Variants in CELF2 observed in about 807,000 individuals in gnomAD.
CELF2 encodes CUGBP Elav-like family member 2, also known as CUG triplet repeat RNA-binding protein 2.
A neutral mutation model predicts 62.6 loss-of-function variants in CELF2; 8 were observed. The observed-to-expected ratio is 0.13, with a 90% confidence interval of 0.07 to 0.23. The LOEUF is 0.23. CELF2 is among the 10% of genes least tolerant of loss of function. The probability of loss-of-function intolerance (pLI) is 1.00; values close to 1 mark genes in which losing one functional copy is unlikely to be tolerated. For synonymous variants in CELF2, 258 were observed against 250.0 expected, an observed-to-expected ratio of 1.03 and a Z score of -0.30; for missense variants, 333 against 671.0, an observed-to-expected ratio of 0.50 and a Z score of 5.56.
At chr10:11,194,948 A>T (rs1367423856) in intron 2 of CELF2, among the ~76,000 whole-genome samples, 1 of 152,208 alleles carries the variant, frequency 6.6e-6, no homozygotes, top group Non-Finnish European at 1.5e-5. Context: ...GCTTCATCTC[A>T]GTGGCTTCTG....
chr10:10,834,435 C>A (rs886396782), intron 1 of CELF2, among the ~76,000 whole-genome samples: 1 of 152,098 alleles, frequency 6.6e-6, no homozygotes, highest in African/African-American at 2.4e-5. Flanking sequence ...ATATAGCAAA[C>A]TGCAAATGTA....
chr10:10,867,744 G>T (rs1479477497), intron 1 of CELF2, among the ~76,000 whole-genome samples: 1 of 152,158 alleles, frequency 6.6e-6, no homozygotes, highest in Non-Finnish European at 1.5e-5. Context: ...CATGTTCTTT[G>T]TCTTCTCCTG....
rs1358230065 is a variant in CELF2, at chr10:10,995,255, A to G, written c.89+75256A>G. ...ACGTGTGGCTCATGTAGCTCGTCACATTTTTTATTTTTATTTTTTGAAACT... is the reference window on the plus strand; with the variant it reads ...ACGTGTGGCTCATGTAGCTCGTCACGTTTTTTATTTTTATTTTTTGAAACT... On this transcript the variant is annotated intron_variant, in intron 2 of 13. Transcript: ENST00000636488. The surrounding 1 kb of genome is among the most constrained non-coding windows in gnomAD (Gnocchi z 4.7). 6.6e-6 allele frequency among the ~76,000 whole-genome samples: 1 copy of G among 152,162 alleles called. No homozygotes were observed. The highest frequency in any genetic ancestry group is 1.5e-5 in the Non-Finnish European group (1 of 68,018).
At chr10:11,112,022 C>A (rs1384469755) in intron 1 of CELF2, among the ~76,000 whole-genome samples, 1 of 152,222 alleles carries the variant, frequency 6.6e-6, no homozygotes, top group Non-Finnish European at 1.5e-5. Flanking sequence ...CTTTTAAAAT[C>A]TACTTACTGG....
intron 1 of CELF2, among the ~76,000 whole-genome samples, chr10:11,121,146 G>A (rs890753546): frequency 1.3e-5 from 2 of 152,080 alleles, no homozygotes; most frequent in Non-Finnish European, 2.9e-5. Context: ...ATACTATTTT[G>A]CAAATTCAGA....
At chr10:10,954,534 C>A (rs1377523717) in intron 2 of CELF2, among the ~76,000 whole-genome samples, 2 of 152,180 alleles carry the variant, frequency 1.3e-5, no homozygotes, top group South Asian at 4.1e-4. Flanking sequence ...GCGTGAGCCA[C>A]CGCACCTGGC....
At chr10:10,468,315 G>C in the CELF2 span, among the ~76,000 whole-genome samples, 2 of 152,058 alleles carry the variant, frequency 1.3e-5, no homozygotes, top group Admixed American at 1.3e-4. Flanking sequence ...CATGACCTTT[G>C]CTCTTGAGTG....
At chr10:11,020,359 C>T (rs2058105585) in intron 1 of CELF2, among the ~76,000 whole-genome samples, 1 of 152,120 alleles carries the variant, frequency 6.6e-6, no homozygotes, top group South Asian at 2.1e-4. Context: ...GCCCTGAGAA[C>T]ACTAGAGCAT....
chr10:10,825,809 C>A (rs777387728), intron 1 of CELF2, among the ~76,000 whole-genome samples: 5 of 152,118 alleles, frequency 3.3e-5, no homozygotes, highest in Admixed American at 6.5e-5. Context: ...TCCTTATCTG[C>A]AAAATGATAA....
At chr10:10,508,700 G>A in the CELF2 span, among the ~76,000 whole-genome samples, 202 of 33,980 alleles carry the variant, frequency 5.9e-3, no homozygotes, top group African/African-American at 0.014. Context: ...GTGTGTGTGT[G>A]TGTGTATATT....
At chr10:10,527,271 A>G in the CELF2 span, among the ~76,000 whole-genome samples, 3 of 152,146 alleles carry the variant, frequency 2.0e-5, no homozygotes, top group Non-Finnish European at 4.4e-5. Context: ...ACGAAACCCC[A>G]TCTCTACTAA....
chr10:10,839,807 C>T (rs2058558325), intron 1 of CELF2, among the ~76,000 whole-genome samples: 4 of 152,192 alleles, frequency 2.6e-5, no homozygotes, highest in Non-Finnish European at 5.9e-5. Context: ...GGCACACATC[C>T]ACCATTATAT....
chr10:11,165,939 G>A lies in CELF2; in HGVS notation c.271+257G>A, dbSNP rs1296152793. 2.0e-5 allele frequency among the ~76,000 whole-genome samples: 3 copies of A among 152,272 alleles called. No homozygotes were observed. Among genetic ancestry groups the A allele is most frequent in the Admixed American group, 1.3e-4 (2 of 15,292 alleles). Reference sequence around the variant, plus strand: ...GAGCGCAGAGGCTCGGTCCAGGCGCGTGATCGCTCCCGGGAGGTCACTTTC... The same window carrying A: ...GAGCGCAGAGGCTCGGTCCAGGCGCATGATCGCTCCCGGGAGGTCACTTTC... On this transcript the variant is annotated intron_variant, in intron 2 of 12. Transcript: ENST00000633077. This position sits in a 1 kb window ranked among gnomAD's most constrained non-coding sequence, Gnocchi z 7.4.
the CELF2 span, among the ~76,000 whole-genome samples, chr10:10,585,282 C>A: frequency 6.6e-6 from 1 of 152,106 alleles, no homozygotes; most frequent in African/African-American, 2.4e-5. Flanking sequence ...GCAAAATACC[C>A]CTAAGTCTGC....
At chr10:10,697,195 T>C in the CELF2 span, among the ~76,000 whole-genome samples, 3 of 151,796 alleles carry the variant, frequency 2.0e-5, no homozygotes, top group African/African-American at 7.3e-5. Flanking sequence ...AAAGCCTGAA[T>C]ATAGAGGGTA....
the CELF2 span, among the ~76,000 whole-genome samples, chr10:10,623,324 T>A: frequency 6.6e-6 from 1 of 152,182 alleles, no homozygotes; most frequent in African/African-American, 2.4e-5. Context: ...CTCCATAGTT[T>A]ACTAAAAGTA....
chr10:11,114,306 G>A (rs1292914819), intron 1 of CELF2, among the ~76,000 whole-genome samples: 1 of 152,130 alleles, frequency 6.6e-6, no homozygotes, highest in Non-Finnish European at 1.5e-5. Context: ...ATATCCACAA[G>A]CATAATAGGT....
chr10:11,256,506 A>C (rs1053670625), intron 4 of CELF2, among the ~76,000 whole-genome samples: 3 of 152,134 alleles, frequency 2.0e-5, no homozygotes, highest in Non-Finnish European at 4.4e-5. Flanking sequence ...GGTATGCACA[A>C]GTGACTTAAA....
intron 1 of CELF2, among the ~76,000 whole-genome samples, chr10:11,079,750 C>CCCCCCCT (rs71477268): frequency 6.8e-6 from 1 of 146,066 alleles, no homozygotes; most frequent in African/African-American, 2.6e-5. Context: ...AGCCCCCCCC[C>CCCCCCCT]CCTTTTTAGG....
Sources: allele counts gnomAD v4.1 joint callset (sites outside exome capture counted in the v4.1 genomes callset), GRCh38; gene constraint gnomAD v4.1.1; non-coding constraint Gnocchi (gnomAD v3.1); transcripts MANE v1.5; gene names NCBI Gene and HGNC (gene_info 2026-07-23, HGNC 2026-07-21).